Variants in ENOX2 observed in about 807,000 individuals in gnomAD.
ENOX2 encodes ecto-NOX disulfide-thiol exchanger 2.
In ENOX2, 36 loss-of-function variants were observed where a neutral mutation model predicts 45.0. That is an observed-to-expected ratio of 0.80 (90% CI 0.61 to 1.06). The LOEUF (loss-of-function observed/expected upper bound fraction) is 1.06, where lower values mean the gene tolerates loss of function less well. ENOX2 is among the 50% of genes least tolerant of loss of function. The pLI, the probability that ENOX2 is intolerant of heterozygous loss-of-function variation, is 0.00. For synonymous variants in ENOX2, 174 were observed against 152.3 expected (o/e 1.14, Z -1.05); for missense variants, 423 against 462.5 (o/e 0.91, Z 0.78).
intron 14 of ENOX2, 30 bp downstream of exon 14, chrX:130,627,928 C>T (rs1343083947): frequency 9.3e-7 from 1 of 1,070,419 alleles, no homozygotes; most frequent in East Asian, 3.0e-5. Context: ...CCCACATCCC[C>T]TTGCATCCCC....
At chrX:130,825,265 C>T (rs1414148144) in intron 2 of ENOX2, among the ~76,000 whole-genome samples, 1 of 111,244 alleles carries the variant, frequency 9.0e-6, no homozygotes, top group African/African-American at 3.3e-5. Context: ...ATGATACATA[C>T]AGTATTATAC....
At chrX:130,711,131 A>G (rs1170336819) in intron 3 of ENOX2, among the ~76,000 whole-genome samples, 1 of 111,947 alleles carries the variant, frequency 8.9e-6, no homozygotes, top group African/African-American at 3.2e-5. Context: ...TTCTCTGTCT[A>G]AGGGAAAGGA....
intron 10 of ENOX2, among the ~76,000 whole-genome samples, chrX:130,654,473 A>G (rs1226525598): frequency 9.0e-6 from 1 of 110,965 alleles, no homozygotes; most frequent in African/African-American, 3.3e-5. Flanking sequence ...CAACTCTGAG[A>G]TCTCGTTGCT....
intron 2 of ENOX2, among the ~76,000 whole-genome samples, chrX:130,791,093 G>C (rs1330444809): frequency 1.8e-5 from 2 of 111,071 alleles, no homozygotes; most frequent in Non-Finnish European, 3.8e-5. Flanking sequence ...CTAAGTGCTG[G>C]GATTACAGGC....
intron 12 of ENOX2, 75 bp downstream of exon 12, chrX:130,634,909 C>T: frequency 1.8e-6 from 1 of 552,202 alleles, no homozygotes; most frequent in East Asian, 3.6e-5. Flanking sequence ...TAGGGCATAA[C>T]TTCCAGGGCA....
intron 3 of ENOX2, among the ~76,000 whole-genome samples, chrX:130,705,015 A>T (rs759638178): frequency 2.7e-5 from 3 of 112,556 alleles, no homozygotes. Flanking sequence ...TTGGGTTGAG[A>T]GTTTACATAG....
chrX:130,694,468 C>T (rs2037698742), intron 4 of ENOX2, among the ~76,000 whole-genome samples: 2 of 111,549 alleles, frequency 1.8e-5, no homozygotes, highest in Non-Finnish European at 3.8e-5. Context: ...ACTAAGATAA[C>T]AGTTGTCTAC....
intron 2 of ENOX2, among the ~76,000 whole-genome samples, chrX:130,831,993 T>A (rs187592284): frequency 6.0e-4 from 67 of 111,009 alleles, no homozygotes; most frequent in Non-Finnish European, 1.1e-3. Context: ...AAGAATCTGG[T>A]TGCTTTCATG....
At chrX:130,842,615 C>T (rs753160880) in intron 2 of ENOX2, among the ~76,000 whole-genome samples, 14 of 111,837 alleles carry the variant, frequency 1.3e-4, no homozygotes, top group African/African-American at 4.2e-4. Flanking sequence ...GTTGCTAAAG[C>T]CAATGATCAC....
At chrX:130,749,898 C>G (rs1293203500) in intron 3 of ENOX2, among the ~76,000 whole-genome samples, 3 of 110,500 alleles carry the variant, frequency 2.7e-5, no homozygotes, top group African/African-American at 9.9e-5. Flanking sequence ...CAATTCCTCT[C>G]TGCCTGTGTC....
chrX:130,656,455 C>T (rs1482709064), intron 10 of ENOX2, 126 bp downstream of exon 10: 1 of 463,658 alleles, frequency 2.2e-6, no homozygotes, highest in Admixed American at 3.9e-5. Context: ...ATGGCCTTGC[C>T]ACTTATTTCT....
In ENOX2 at chrX:130,670,175, T is replaced by C. The variant is rs1350127269; in HGVS notation, c.484A>G (p.Ser162Gly). 1 of 1,209,323 alleles carries C rather than the reference T, an allele frequency of 8.3e-7. No homozygotes were observed. Among genetic ancestry groups the C allele is most frequent in the Non-Finnish European group, 1.1e-6 (1 of 893,958 alleles). ...CTGCCTGTGTCCTTCTTGTCAGTACTAGAGCCCAGGCGAATGCGGTAACCT... is the reference window on the plus strand; with the variant it reads ...CTGCCTGTGTCCTTCTTGTCAGTACCAGAGCCCAGGCGAATGCGGTAACCT... ...LSGYRIRLGS[S>G]TDKKDTGRLH... The change falls in exon 7 of 15, where the codon AGT becomes GGT. Residue 162 changes from serine (S) to glycine (G), a missense_variant. This residue lies in a region of ENOX2 where 261 missense variants were observed against 306.8 expected (regional missense o/e 0.85). Coordinates refer to ENST00000394363, the MANE Select transcript of ENOX2 (RefSeq NM_006375.4).
At chrX:130,682,583 C>CAAAAAAAAAA (rs55875735) in intron 5 of ENOX2, among the ~76,000 whole-genome samples, 1 of 14,657 alleles carries the variant, frequency 6.8e-5, no homozygotes, top group African/African-American at 2.0e-4. Context: ...GACTCCGTCT[C>CAAAAAAAAAA]AAAAAAAAAA....
At chrX:130,883,805 A>G (rs1186948609) in intron 2 of ENOX2, among the ~76,000 whole-genome samples, 1 of 111,643 alleles carries the variant, frequency 9.0e-6, no homozygotes, top group Non-Finnish European at 1.9e-5. Context: ...CAGCTCCCTG[A>G]ACAACCAGAA....
intron 11 of ENOX2, among the ~76,000 whole-genome samples, chrX:130,636,597 A>C (rs1027449343): frequency 8.9e-6 from 1 of 112,558 alleles, no homozygotes; most frequent in Non-Finnish European, 1.9e-5. Context: ...TAGATGTTGA[A>C]CATCTGCTAC....
intron 3 of ENOX2, among the ~76,000 whole-genome samples, chrX:130,754,491 AC>A (rs2039303931): frequency 1.8e-5 from 2 of 111,863 alleles, no homozygotes; most frequent in Admixed American, 1.9e-4. Flanking sequence ...CAACCCAGGT[AC>A]CTATCAATGG....
chrX:130,679,309 A>G (rs1404240344), intron 6 of ENOX2, among the ~76,000 whole-genome samples: 1 of 111,438 alleles, frequency 9.0e-6, no homozygotes, highest in African/African-American at 3.3e-5. Context: ...AGGACAGCCC[A>G]CAGTCAAGGC....
At chrX:130,747,916 G>A (rs979389959) in intron 3 of ENOX2, among the ~76,000 whole-genome samples, 2 of 112,210 alleles carry the variant, frequency 1.8e-5, no homozygotes, top group Admixed American at 1.9e-4. Context: ...TTTTAGCTGA[G>A]GCTGTAGCCA....
rs753321930 is a variant in ENOX2, at chrX:130,826,143, G to A, written c.-182-42453C>T. Among the ~76,000 whole-genome samples the A allele has an allele frequency of 8.1e-5, 9 of 110,732 alleles. No individual in the cohort carries two copies. The South Asian group carries it at 1.9e-3, about 24-fold the overall frequency. ...CTATATTTAAAATTTTTCATAATAC[G>A]ATGTTTTATGAAAGAATAGAGAAGT... On this transcript the variant is annotated intron_variant, in intron 2 of 14. Transcript: ENST00000394363.
Sources: gnomAD v4.1 joint callset for allele counts (sites outside exome capture counted in the v4.1 genomes callset) on GRCh38, gnomAD v4.1.1 for gene constraint, gnomAD v4.1.1 regional missense constraint, MANE v1.5 for transcripts, NCBI Gene and HGNC (gene_info 2026-07-23, HGNC 2026-07-21) for gene names.